UGT1A3: variants seen among roughly 807,000 people sequenced by gnomAD.
The protein encoded by UGT1A3 is UDP glucuronosyltransferase family 1 member A3.
A neutral mutation model predicts 41.0 loss-of-function variants in UGT1A3; 31 were observed. The observed-to-expected ratio is 0.76, with a 90% CI of 0.57 to 1.02. The LOEUF (loss-of-function observed/expected upper bound fraction) is 1.02. UGT1A3 is among the 50% of genes least tolerant of loss of function. UGT1A3 has a pLI of 0.00. For missense variants in UGT1A3, 737 were observed against 671.0 expected, an observed-to-expected ratio of 1.10 and a Z score of -1.09; for synonymous variants, 262 against 257.6, an observed-to-expected ratio of 1.02 and a Z score of -0.17.
At chr2:233,738,135 C>T (rs965313683) in intron 1 of UGT1A3, among the ~76,000 whole-genome samples, 2 of 152,178 alleles carry the variant, frequency 1.3e-5, no homozygotes, top group African/African-American at 4.8e-5. Context: ...GGGCCCTTAT[C>T]CCTTCACTTG....
At chr2:233,730,131 C>T (rs2077990612) in intron 1 of UGT1A3, 138 bp downstream of exon 1, 1 of 1,535,524 alleles carries the variant, frequency 6.5e-7, no homozygotes, top group Middle Eastern at 2.3e-4. Context: ...TAATAGCCTT[C>T]AGTGAGATAA....
chr2:233,772,348 T>C lies in UGT1A3; in HGVS notation c.1394T>C (p.Phe465Ser). ...PLDLAVFWVE[F>S]VMRHKGAPHL... Reference sequence around the variant, plus strand: ...GACCTGGCCGTGTTCTGGGTGGAGTTTGTGATGAGGCACAAGGGCGCGCCA... The same window carrying C: ...GACCTGGCCGTGTTCTGGGTGGAGTCTGTGATGAGGCACAAGGGCGCGCCA... Residue 465 changes from phenylalanine (F) to serine (S), a missense_variant, in exon 5 of 5, where the codon TTT becomes TCT. Physicochemically the swap from Phe to Ser is radical, Grantham distance 155. Transcript: ENST00000482026. 3 of 1,614,234 alleles carry C rather than the reference T, an allele frequency of 1.9e-6. No individual in the cohort carries two copies. In the South Asian group the frequency reaches 3.3e-5, roughly 18 times the overall value.
At chr2:233,753,985 C>G (rs1431608078) in intron 1 of UGT1A3, among the ~76,000 whole-genome samples, 1 of 152,164 alleles carries the variant, frequency 6.6e-6, no homozygotes, top group Non-Finnish European at 1.5e-5. Context: ...TGTTTTAAGC[C>G]ACCAAGTTTG....
chr2:233,769,665 G>T lies in UGT1A3; in HGVS notation c.1307+1226G>T. 6.3e-7 allele frequency: 1 copy of T among 1,592,194 alleles called. No homozygotes were observed. The highest frequency in any genetic ancestry group is 1.1e-5 in the South Asian group (1 of 88,390). The stretch of plus-strand genomic sequence containing the variant: ...TGATGACTGACTTCCCACCTTTGAG[G>T]TGCTAATGTGTGTGTGGTGGCACTG... On this transcript the variant is annotated intron_variant, in intron 4 of 4. Transcript: ENST00000482026. The surrounding 1 kb of genome is among the most constrained non-coding windows in gnomAD (Gnocchi z 4.4).
At chr2:233,768,463 T>C (rs372004705) in intron 4 of UGT1A3, 24 bp downstream of exon 4, 2 of 1,607,816 alleles carry the variant, frequency 1.2e-6, no homozygotes, top group African/African-American at 2.7e-5. Flanking sequence ...TACAGAAGAA[T>C]ACTTTGGTCA....
At chr2:233,735,447 G>A (rs1470432521) in intron 1 of UGT1A3, among the ~76,000 whole-genome samples, 4 of 152,136 alleles carry the variant, frequency 2.6e-5, no homozygotes, top group Non-Finnish European at 5.9e-5. Flanking sequence ...ATACCGATGG[G>A]CCTTGACTCT....
At chr2:233,754,415 G>A (rs1208600112) in intron 1 of UGT1A3, 1 of 341,654 alleles carries the variant, frequency 2.9e-6, no homozygotes, top group Non-Finnish European at 5.7e-6. Context: ...CAACAATAAA[G>A]ACAGGCATTG....
chr2:233,772,992 CT>C lies in UGT1A3; in HGVS notation c.*434del. The C allele has an allele frequency of 1.2e-5, 3 of 257,330 alleles. No individual in the cohort carries two copies. Among genetic ancestry groups the C allele is most frequent in the South Asian group, 5.0e-5 (1 of 19,850 alleles). The allele number at this position is 257,330 out of a possible 1,614,324, so 15.9% of individuals were successfully genotyped here. Reference sequence around the variant, plus strand: ...TTAACCAATAATGGTCAGTCCTCATCTCTGTCGTGCTTCATAGGTGCCACCT... The same window carrying C: ...TTAACCAATAATGGTCAGTCCTCATCCTGTCGTGCTTCATAGGTGCCACCT... On this transcript the variant is annotated 3_prime_UTR_variant, in exon 5 of 5. Transcript: ENST00000482026.
intron 1 of UGT1A3, among the ~76,000 whole-genome samples, chr2:233,745,381 C>G (rs1382208819): frequency 6.6e-6 from 1 of 151,782 alleles, no homozygotes; most frequent in Admixed American, 6.6e-5. Flanking sequence ...TTCTCTTCAC[C>G]TCCTTATTCT....
In UGT1A3 at chr2:233,731,080, T is replaced by C. The variant is rs548797519; in HGVS notation, c.867+1087T>C. Among the ~76,000 whole-genome samples, 7 of 152,364 alleles carry C rather than the reference T, an allele frequency of 4.6e-5. No individual in the cohort carries two copies. In the South Asian group the frequency reaches 1.2e-3, roughly 27 times the overall value. ...AACTTCCATGATTTAGATCCTTTTG[T>C]ATTCTTATTTCTGTGCCTTTTTTAT... On this transcript the variant is annotated intron_variant, in intron 1 of 4. Coordinates refer to ENST00000482026, the MANE Select transcript of UGT1A3 (RefSeq NM_019093.4).
chr2:233,771,184 C>G (rs1452671929), intron 4 of UGT1A3: 1 of 152,242 alleles, frequency 6.6e-6, no homozygotes, highest in Non-Finnish European at 1.5e-5. Flanking sequence ...TACAATTCAA[C>G]ATGAGATCTG....
Position 233,772,319 on chromosome 2 carries a change from GCT to G in UGT1A3, c.1366_1367del (p.Leu456GlyfsTer53). ...TTCACAAGGACCGCCCGGTGGAGCC[GCT>G]GGACCTGGCCGTGTTCTGGGTGGAG... ...SLHKDRPVEP[L>X]DLAVFWVEFV... On this transcript the variant is annotated frameshift_variant, in exon 5 of 5. Coordinates refer to ENST00000482026, the MANE Select transcript of UGT1A3 (RefSeq NM_019093.4). LOFTEE classifies it high-confidence loss of function. 1 of 1,614,164 alleles carries G rather than the reference GCT, an allele frequency of 6.2e-7. No homozygotes were observed. Among genetic ancestry groups the G allele is most frequent in the Non-Finnish European group, 8.5e-7 (1 of 1,180,030 alleles).
At position 233,729,759 on chromosome 2, in the gene UGT1A3, C is replaced by A; in HGVS notation, c.633C>A (p.Val211=). 1 of 1,613,980 alleles carries A rather than the reference C, an allele frequency of 6.2e-7. No individual in the cohort carries two copies. The highest frequency in any genetic ancestry group is 8.5e-7 in the Non-Finnish European group (1 of 1,179,864). The change falls in exon 1 of 5, where the codon GTC becomes GTA. Residue 211 remains valine (V), a synonymous_variant. Transcript: ENST00000482026. ...ACCACATGACATTCATGCAAAGGGT[C>A]AAGAACATGCTCTACCCTCTGGCCC... is the stretch of plus-strand genomic sequence containing the variant. ...NSDHMTFMQR[V]KNMLYPLALS...
At chr2:233,746,211 T>C (rs371025099) in intron 1 of UGT1A3, among the ~76,000 whole-genome samples, 2 of 151,850 alleles carry the variant, frequency 1.3e-5, no homozygotes, top group East Asian at 3.9e-4. Flanking sequence ...TATACTCTAA[T>C]AGCAAGGACA....
At chr2:233,747,235 C>G in intron 1 of UGT1A3, 2 of 1,604,608 alleles carry the variant, frequency 1.2e-6, no homozygotes. Flanking sequence ...ACCCCAGGTT[C>G]CCCTGCTGTG....
At chr2:233,732,055 A>G (rs2078232493) in intron 1 of UGT1A3, among the ~76,000 whole-genome samples, 1 of 152,104 alleles carries the variant, frequency 6.6e-6, no homozygotes, top group African/African-American at 2.4e-5. Flanking sequence ...GCATTTATTC[A>G]TGTGTCTGTT....
At chr2:233,743,661 G>C in intron 1 of UGT1A3, 1 of 1,367,236 alleles carries the variant, frequency 7.3e-7, no homozygotes, top group Non-Finnish European at 9.8e-7. Flanking sequence ...TACTCGAAGG[G>C]GTCCTCGAAG....
At chr2:233,767,192 A>C (rs752013731) in intron 2 of UGT1A3, 27 bp downstream of exon 2, 1 of 1,613,796 alleles carries the variant, frequency 6.2e-7, no homozygotes, top group African/African-American at 1.3e-5. Context: ...CCATGGCCTC[A>C]TATCTATTTT....
chr2:233,750,987 C>T lies in UGT1A3; in HGVS notation c.868-16047C>T, dbSNP rs140441181. 4.4e-3 allele frequency among the ~76,000 whole-genome samples: 664 copies of T among 151,836 alleles called. 16 individuals are homozygous for T. Among genetic ancestry groups the T allele is most frequent in the African/African-American group, 0.015 (615 of 41,178 alleles). On this transcript the variant is annotated intron_variant, in intron 1 of 4. Transcript: ENST00000482026. ...ACTGCCTAGTGGAGTTGTGAGAAGG[C>T]GGCCACCATCCTCCAGAATCCCAAA...
Sources: gnomAD v4.1 joint callset for allele counts (sites outside exome capture counted in the v4.1 genomes callset) on GRCh38, gnomAD v4.1.1 for gene constraint, Gnocchi (gnomAD v3.1) non-coding constraint, MANE v1.5 for transcripts, NCBI Gene and HGNC (gene_info 2026-07-23, HGNC 2026-07-21) for gene names.